Variants in PRKCH observed in about 807,000 individuals in gnomAD.
PRKCH encodes the protein protein kinase C eta.
A neutral mutation model predicts 82.5 loss-of-function variants in PRKCH; 28 were observed. The observed-to-expected ratio is 0.34, with a 90% CI of 0.25 to 0.47. PRKCH has a LOEUF of 0.47. PRKCH is among the 20% of genes least tolerant of loss of function. The pLI, the probability that PRKCH is intolerant of heterozygous loss-of-function variation, is 1.00. For synonymous variants in PRKCH, 322 were observed against 327.4 expected (o/e 0.98, Z 0.18); for missense variants, 705 against 881.8 (o/e 0.80, Z 2.54).
intron 1 of PRKCH, among the ~76,000 whole-genome samples, chr14:61,368,908 C>A (rs1469593271): frequency 6.6e-6 from 1 of 151,806 alleles, no homozygotes; most frequent in Non-Finnish European, 1.5e-5. Context: ...GCATTTTTTT[C>A]ATTATTTACT....
chr14:61,361,777 A>G (rs1382753511), intron 1 of PRKCH, among the ~76,000 whole-genome samples: 1 of 152,228 alleles, frequency 6.6e-6, no homozygotes, highest in Non-Finnish European at 1.5e-5. Flanking sequence ...AAAGGAAGGT[A>G]AGCTGACTCA....
At chr14:61,306,626 A>G (rs1424901354) in intron 1 of PRKCH, 1 of 152,164 alleles carries the variant, frequency 6.6e-6, no homozygotes, top group African/African-American at 2.4e-5. Context: ...TAGTGGGAGG[A>G]TGTGTCTGGC....
chr14:61,449,856 GTCTCTC>G lies in PRKCH; in HGVS notation c.702+644_702+649del, dbSNP rs149977373. On this transcript the variant is annotated intron_variant, in intron 5 of 13. Transcript: ENST00000332981. ...CCTCTTAAGAAATTTCAGGGAAGATGTCTCTCTCTCTCTCTCTCTCTCTCTCTCTCT... is the reference window on the plus strand; with the variant it reads ...CCTCTTAAGAAATTTCAGGGAAGATGTCTCTCTCTCTCTCTCTCTCTCTCT... Among the ~76,000 whole-genome samples the G allele has an allele frequency of 2.6e-3, 371 of 142,384 alleles. 1 individual carries two copies. Among genetic ancestry groups the G allele is most frequent in the African/African-American group, 9.0e-3 (332 of 36,726 alleles). The allele number at this position is 142,384 out of a possible 152,430, so 93.4% of individuals were successfully genotyped here.
chr14:61,271,374 G>A (rs999038340), intron 1 of PRKCH, among the ~76,000 whole-genome samples: 2 of 152,126 alleles, frequency 1.3e-5, no homozygotes, highest in South Asian at 4.1e-4. Flanking sequence ...TTCAGTTCTG[G>A]TAGGTCAAGT....
chr14:61,347,991 T>TG (rs2046019422), intron 1 of PRKCH: 1 of 152,510 alleles, frequency 6.6e-6, no homozygotes, highest in South Asian at 2.1e-4. Flanking sequence ...AAGCTGATTC[T>TG]TCTGGGTGCC....
chr14:61,370,024 A>G (rs927752057), intron 1 of PRKCH, among the ~76,000 whole-genome samples: 1 of 151,804 alleles, frequency 6.6e-6, no homozygotes, highest in Non-Finnish European at 1.5e-5. Flanking sequence ...CAGTGGCGTG[A>G]TCTCCGCCTC....
intron 2 of PRKCH, among the ~76,000 whole-genome samples, chr14:61,420,516 C>A (rs1176346143): frequency 6.6e-6 from 1 of 152,274 alleles, no homozygotes; most frequent in South Asian, 2.1e-4. Context: ...TCTGTCTCCC[C>A]GGCAGACTCA....
At chr14:61,305,176 C>G (rs2045477545) in intron 1 of PRKCH, 1 of 151,904 alleles carries the variant, frequency 6.6e-6, no homozygotes, top group Admixed American at 6.6e-5. Flanking sequence ...TACTGAGACT[C>G]TAATTATTAT....
At chr14:61,313,649 A>G (rs118059698) in intron 1 of PRKCH, among the ~76,000 whole-genome samples, 7 of 152,316 alleles carry the variant, frequency 4.6e-5, no homozygotes, top group Non-Finnish European at 1.0e-4. Context: ...AATTGGACTC[A>G]TAGTTCCATG....
chr14:61,448,431 C>G (rs11626804), intron 4 of PRKCH, among the ~76,000 whole-genome samples: 8,402 of 152,198 alleles, frequency 0.055, 277 homozygotes, highest in African/African-American at 0.086. Flanking sequence ...AGCCATTCAG[C>G]AAACATTTAT....
intron 1 of PRKCH, among the ~76,000 whole-genome samples, chr14:61,333,116 A>G (rs372259461): frequency 6.6e-6 from 1 of 152,336 alleles, no homozygotes; most frequent in African/African-American, 2.4e-5. Context: ...ATTTATTTGC[A>G]AGCTGTGGGC....
At chr14:61,417,279 C>T (rs574785242) in intron 2 of PRKCH, among the ~76,000 whole-genome samples, 2 of 152,160 alleles carry the variant, frequency 1.3e-5, no homozygotes, top group Admixed American at 6.5e-5. Context: ...CACATAGAAC[C>T]GTCATTACTT....
intron 9 of PRKCH, among the ~76,000 whole-genome samples, chr14:61,467,372 G>A (rs1488982466): frequency 1.3e-5 from 2 of 152,236 alleles, no homozygotes; most frequent in Admixed American, 6.5e-5. Context: ...GGGTCGTAGC[G>A]GGGCTGCAGC....
intron 9 of PRKCH, among the ~76,000 whole-genome samples, chr14:61,466,682 AG>A (rs1885275042): frequency 6.6e-6 from 1 of 152,136 alleles, no homozygotes; most frequent in South Asian, 2.1e-4. Context: ...ACTGGGTGAG[AG>A]GGCTGAGCGA....
At chr14:61,304,298 T>C (rs2045468705) in intron 1 of PRKCH, 1 of 152,160 alleles carries the variant, frequency 6.6e-6, no homozygotes, top group Non-Finnish European at 1.5e-5. Flanking sequence ...AATATATTTG[T>C]CTTTAAATAG....
chr14:61,482,966 C>T (rs1372512073), intron 9 of PRKCH, among the ~76,000 whole-genome samples: 1 of 152,234 alleles, frequency 6.6e-6, no homozygotes, highest in Non-Finnish European at 1.5e-5. Flanking sequence ...TGGCCACTTC[C>T]CCACTGACCC....
At chr14:61,391,087 A>G (rs2046672455) in intron 1 of PRKCH, 138 bp from the exon 2 acceptor site, 5 of 664,880 alleles carry the variant, frequency 7.5e-6, no homozygotes, top group South Asian at 6.6e-5. Flanking sequence ...CTGCCACTCT[A>G]CTATTTAATG....
chr14:61,300,872 A>G (rs2045442928), intron 1 of PRKCH, among the ~76,000 whole-genome samples: 1 of 152,128 alleles, frequency 6.6e-6, no homozygotes, highest in African/African-American at 2.4e-5. Context: ...AAAACGTGGC[A>G]CTGGCAAGGT....
chr14:61,514,912 C>G (rs919040971), intron 10 of PRKCH, among the ~76,000 whole-genome samples: 10 of 152,192 alleles, frequency 6.6e-5, no homozygotes, highest in African/African-American at 2.4e-4. Context: ...AAGGCAAACA[C>G]CAGTGCAGTG....
Sources: gnomAD v4.1 joint callset for allele counts (sites outside exome capture counted in the v4.1 genomes callset) on GRCh38, gnomAD v4.1.1 for gene constraint, MANE v1.5 for transcripts, NCBI Gene and HGNC (gene_info 2026-07-23, HGNC 2026-07-21) for gene names.